Variants in GRB10 observed in about 807,000 individuals in gnomAD.
GRB10 encodes the protein growth factor receptor-bound protein 10.
In GRB10, 20 loss-of-function variants were observed where a neutral mutation model predicts 80.9. That is an observed-to-expected ratio of 0.25 (90% CI 0.17 to 0.36). The LOEUF (loss-of-function observed/expected upper bound fraction) is 0.36. Among genes scored for constraint, GRB10 ranks in the 10% least tolerant of loss-of-function variants. The pLI, the probability that GRB10 is intolerant of heterozygous loss-of-function variation, is 1.00. For missense variants in GRB10, 548 were observed against 747.7 expected (o/e 0.73, Z 3.12); for synonymous variants, 291 against 291.5 (o/e 1.00, Z 0.02).
In GRB10 at chr7:50,612,756, C is replaced by T. The variant is rs568610330; in HGVS notation, c.1179G>A (p.Ala393=). The change falls in exon 13 of 19, where the codon GCG becomes GCA. Residue 393 remains alanine, a synonymous_variant. Coordinates refer to ENST00000401949, the MANE Select transcript of GRB10 (RefSeq NM_001350814.2). The part of the protein sequence containing the change: ...DEQTRTCWMT[A]FRLLKYGMLL... Reference sequence around the variant, plus strand: ...TGTCACATACCTTGAGGAGTCTGAACGCTGTCATCCAGCACGTCCTGGTTT... The same window carrying T: ...TGTCACATACCTTGAGGAGTCTGAATGCTGTCATCCAGCACGTCCTGGTTT... 56 of 1,612,788 alleles carry T rather than the reference C, an allele frequency of 3.5e-5. No individual in the cohort carries two copies. Among genetic ancestry groups the T allele is most frequent in the South Asian group, 4.4e-5 (4 of 91,024 alleles).
At chr7:50,769,361 C>T (rs963345747) in intron 2 of GRB10, among the ~76,000 whole-genome samples, 11 of 152,256 alleles carry the variant, frequency 7.2e-5, no homozygotes, top group Non-Finnish European at 1.0e-4. Flanking sequence ...CACAGGAGGT[C>T]GGGCTTCCCA....
rs143656288 is a variant in GRB10 at position 50,754,882 on chromosome 7, G to A, written c.-47+1005C>T. On this transcript the variant is annotated intron_variant, in intron 3 of 18. Coordinates refer to ENST00000401949, the MANE Select transcript of GRB10 (RefSeq NM_001350814.2). ...TTACAGAGGTCACTAAGTTAAAACC[G>A]GGTCACAAAGGTGGGCCCTAATCCA... 1.4e-4 allele frequency among the ~76,000 whole-genome samples: 21 copies of A among 152,232 alleles called. No individual in the cohort carries two copies. In the East Asian group the frequency reaches 2.1e-3, roughly 15 times the overall value.
chr7:50,621,411 C>A (rs1409868361), intron 8 of GRB10, among the ~76,000 whole-genome samples: 1 of 152,214 alleles, frequency 6.6e-6, no homozygotes, highest in African/African-American at 2.4e-5. Context: ...CCTACCATCC[C>A]CAGAGGTGGG....
chr7:50,606,622 C>A (rs2048580301), intron 13 of GRB10: 1 of 586,758 alleles, frequency 1.7e-6, no homozygotes, highest in Admixed American at 2.8e-5. Flanking sequence ...CCGAGTATAG[C>A]TTTTGACTCC....
At chr7:50,769,962 G>A (rs189057260) in intron 2 of GRB10, among the ~76,000 whole-genome samples, 69 of 152,272 alleles carry the variant, frequency 4.5e-4, no homozygotes, top group Admixed American at 1.7e-3. Context: ...GGATAGAAAC[G>A]GTCGTATATA....
chr7:50,782,272 G>A lies in GRB10; in HGVS notation c.-327+152C>T, dbSNP rs866590833. 1.0e-3 allele frequency among the ~76,000 whole-genome samples: 153 copies of A among 151,520 alleles called. No homozygotes were observed. The highest frequency in any genetic ancestry group is 3.5e-3 in the African/African-American group (147 of 41,454). On this transcript the variant is annotated intron_variant, in intron 1 of 18. Transcript: ENST00000401949. The surrounding 1 kb of genome is among the most constrained non-coding windows in gnomAD (Gnocchi z 6.6). ...GCCCGCGGCAGGCGGGCAGGGGGCCGCGCGGCAAGACCTCCCCGCCTCCCT... is the reference window on the plus strand; with the variant it reads ...GCCCGCGGCAGGCGGGCAGGGGGCCACGCGGCAAGACCTCCCCGCCTCCCT...
At chr7:50,615,030 A>G (rs1050242484) in intron 11 of GRB10, 150 bp from the exon 12 acceptor site, 6 of 686,692 alleles carry the variant, frequency 8.7e-6, no homozygotes, top group African/African-American at 1.8e-5. Context: ...GCGAGGTGTA[A>G]TAAGTGCTAA....
chr7:50,693,185 G>A (rs749782925), intron 5 of GRB10, among the ~76,000 whole-genome samples: 3 of 152,020 alleles, frequency 2.0e-5, no homozygotes, highest in Non-Finnish European at 2.9e-5. Context: ...TATGTCCCTC[G>A]GCACCTAATG....
At chr7:50,597,427 G>A (rs890465401) in intron 17 of GRB10, among the ~76,000 whole-genome samples, 4 of 145,526 alleles carry the variant, frequency 2.7e-5, no homozygotes, top group African/African-American at 7.5e-5. Flanking sequence ...GGGCAGCTGT[G>A]CCCACCTCAA....
chr7:50,691,984 AG>A (rs1586945948), intron 5 of GRB10, among the ~76,000 whole-genome samples: 2 of 152,234 alleles, frequency 1.3e-5, no homozygotes, highest in African/African-American at 4.8e-5. Context: ...GCACAGATAC[AG>A]TTAGCCCCCC....
At chr7:50,784,118 C>CTGCA (rs2078583575), upstream of GRB10, among the ~76,000 whole-genome samples, 1 of 152,196 alleles carries the variant, frequency 6.6e-6, no homozygotes, top group South Asian at 2.1e-4. Context: ...GGCCTGGCTA[C>CTGCA]TGCAAGAAAC....
chr7:50,740,743 AT>A (rs1264054145), intron 3 of GRB10, among the ~76,000 whole-genome samples: 2 of 152,082 alleles, frequency 1.3e-5, no homozygotes, highest in Non-Finnish European at 2.9e-5. Flanking sequence ...AACCCAAACA[AT>A]TTGCAACAGA....
At chr7:50,712,628 G>T (rs576144694) in intron 4 of GRB10, among the ~76,000 whole-genome samples, 1 of 152,354 alleles carries the variant, frequency 6.6e-6, no homozygotes, top group Admixed American at 6.5e-5. Flanking sequence ...ACACAGATCA[G>T]TGGCTTGTAC....
intron 5 of GRB10, among the ~76,000 whole-genome samples, chr7:50,690,321 A>AAACAAAC (rs144090594): frequency 1.0e-3 from 11 of 10,904 alleles, no homozygotes; most frequent in Non-Finnish European, 1.9e-3. Context: ...ACAAACAAAC[A>AAACAAAC]AAAAAAACAG....
chr7:50,717,701 G>GT (rs2067079164), intron 4 of GRB10, among the ~76,000 whole-genome samples: 1 of 152,174 alleles, frequency 6.6e-6, no homozygotes, highest in South Asian at 2.1e-4. Context: ...TGAAGACAGC[G>GT]TATCTTCTCC....
At chr7:50,712,083 G>C (rs1413777513) in intron 4 of GRB10, among the ~76,000 whole-genome samples, 1 of 151,754 alleles carries the variant, frequency 6.6e-6, no homozygotes, top group Admixed American at 6.6e-5. Context: ...ACTCCACAAG[G>C]CTGAAAAAGG....
chr7:50,629,710 T>C (rs898678640), intron 7 of GRB10, among the ~76,000 whole-genome samples: 8 of 152,228 alleles, frequency 5.3e-5, no homozygotes, highest in Non-Finnish European at 1.0e-4. Context: ...TATTACAGGG[T>C]ACTGCCAGCC....
At chr7:50,784,125 A>C (rs1054905175), upstream of GRB10, among the ~76,000 whole-genome samples, 2 of 152,216 alleles carry the variant, frequency 1.3e-5, no homozygotes, top group African/African-American at 2.4e-5. Flanking sequence ...CTACTGCAAG[A>C]AACATTGAAG....
intron 3 of GRB10, among the ~76,000 whole-genome samples, chr7:50,736,291 A>C (rs546916912): frequency 1.3e-4 from 20 of 152,280 alleles, no homozygotes; most frequent in African/African-American, 4.8e-4. Context: ...ATCTCAAAAA[A>C]ACAAAAGAAA....
Sources: gnomAD v4.1 joint callset for allele counts (sites outside exome capture counted in the v4.1 genomes callset) on GRCh38, gnomAD v4.1.1 for gene constraint, Gnocchi (gnomAD v3.1) non-coding constraint, MANE v1.5 for transcripts, NCBI Gene and HGNC (gene_info 2026-07-23, HGNC 2026-07-21) for gene names.